LBR: variants seen among roughly 807,000 people sequenced by gnomAD.
The protein encoded by LBR is delta(14)-sterol reductase LBR.
LBR carries 28 observed loss-of-function variants against 74.3 expected under a neutral mutation model. The observed-to-expected ratio is 0.38, with a 90% CI of 0.28 to 0.52. The LOEUF is 0.52. Ranked by LOEUF, LBR falls within the 20% of genes least tolerant of loss-of-function variation. The probability of loss-of-function intolerance (pLI) is 0.89; values close to 1 mark genes in which losing one functional copy is unlikely to be tolerated. For missense variants in LBR, 717 were observed against 760.3 expected, an observed-to-expected ratio of 0.94 and a Z score of 0.67; for synonymous variants, 228 against 269.3, an observed-to-expected ratio of 0.85 and a Z score of 1.50.
chr1:225,424,014 A>G lies in LBR; in HGVS notation c.62T>C (p.Leu21Pro). Residue 21 changes from leucine (L) to proline (P), a missense_variant, in exon 2 of 14, where the codon CTT (leucine) becomes CCT (proline). Physicochemically the swap from Leu to Pro is moderately conservative, Grantham distance 98. Coordinates refer to ENST00000272163, the MANE Select transcript of LBR (RefSeq NM_002296.4). ...VVRGRWPGSS[L>P]YYEVEILSHD... ...GCTCAGAATTTCTACTTCATAATAA[A>G]GTGAACTCCCAGGCCATCGACCTCT... The G allele has an allele frequency of 6.2e-7, 1 of 1,614,146 alleles. No homozygotes were observed. The highest frequency in any genetic ancestry group is 8.5e-7 in the Non-Finnish European group (1 of 1,179,978).
intron 10 of LBR, among the ~76,000 whole-genome samples, chr1:225,408,476 C>T (rs780873358): frequency 6.6e-6 from 1 of 152,240 alleles, no homozygotes; most frequent in African/African-American, 2.4e-5. Context: ...GCCCCACCAG[C>T]TCCTGAGCCC....
intron 1 of LBR, among the ~76,000 whole-genome samples, chr1:225,424,712 C>A (rs1023559780): frequency 7.2e-5 from 11 of 152,206 alleles, no homozygotes; most frequent in Non-Finnish European, 1.5e-4. Context: ...TCACTTCTCT[C>A]AAGCCTACAG....
Position 225,419,836 on chromosome 1 carries a change from G to A in LBR, c.367-38C>T, listed in dbSNP as rs746560486. On this transcript the variant is annotated intron_variant, in intron 3 of 13. Coordinates refer to ENST00000272163, the MANE Select transcript of LBR (RefSeq NM_002296.4). ...ATATAAACATTTAATCAAAAGAACT[G>A]TAACTTATTAAAAAGAAACATGATG... 11 of 1,379,378 alleles carry A rather than the reference G, an allele frequency of 8.0e-6. No individual in the cohort carries two copies. In the South Asian group the frequency reaches 1.3e-4, roughly 16 times the overall value. The allele number at this position is 1,379,378 out of a possible 1,614,324, so 85.4% of individuals were successfully genotyped here.
At chr1:225,425,695 T>C (rs2096137822) in intron 1 of LBR, among the ~76,000 whole-genome samples, 1 of 152,134 alleles carries the variant, frequency 6.6e-6, no homozygotes, top group Non-Finnish European at 1.5e-5. Flanking sequence ...TTCTCTCTTC[T>C]CTTGAGCCCC....
rs774800175 is a variant in LBR at position 225,403,281 on chromosome 1, T to G, written c.*22A>C. ...TGGCAGCTGGAATTGCAGGAGTATT[T>G]TGTAGAAAAGCCAGAAGAGCATTAG... On this transcript the variant is annotated 3_prime_UTR_variant, in exon 14 of 14. Coordinates refer to ENST00000272163, the MANE Select transcript of LBR (RefSeq NM_002296.4). 9 of 1,611,882 alleles carry G rather than the reference T, an allele frequency of 5.6e-6. No homozygotes were observed. In the South Asian group the frequency reaches 7.7e-5, roughly 14 times the overall value.
At chr1:225,424,622 CT>C (rs1319955460) in intron 1 of LBR, among the ~76,000 whole-genome samples, 2 of 152,184 alleles carry the variant, frequency 1.3e-5, no homozygotes, top group African/African-American at 2.4e-5. Context: ...GCTTTCAACT[CT>C]TACAGCTAAA....
chr1:225,404,266 A>T (rs902919239), intron 13 of LBR, 138 bp downstream of exon 13: 19 of 1,145,500 alleles, frequency 1.7e-5, no homozygotes, highest in Non-Finnish European at 2.3e-5. Context: ...GAGCTTCTAC[A>T]GAGGCCAACC....
intron 1 of LBR, among the ~76,000 whole-genome samples, chr1:225,427,097 C>T (rs16844879): frequency 0.025 from 3,725 of 151,906 alleles, 166 homozygotes; most frequent in African/African-American, 0.084. Flanking sequence ...TGCAGGTGTC[C>T]ACGCGCGGAC....
intron 6 of LBR, among the ~76,000 whole-genome samples, chr1:225,415,542 TA>T (rs894858433): frequency 5.6e-4 from 86 of 152,276 alleles, no homozygotes; most frequent in African/African-American, 2.0e-3. Context: ...GAATTTATCT[TA>T]AATACAAATT....
In LBR at chr1:225,403,363, G is replaced by A. The variant is rs558248227; in HGVS notation, c.1788C>T (p.Gly596=). 25 of 1,613,588 alleles carry A rather than the reference G, an allele frequency of 1.5e-5. 1 individual carries two copies. In the South Asian group the frequency reaches 1.6e-4, roughly 11 times the overall value. Residue 596 remains glycine, a synonymous_variant, in exon 14 of 14, where the codon GGC becomes GGT. Transcript: ENST00000272163. ...RDEYHCKKKY[G]VAWEKYCQRV... ...GCTGACAGTACTTTTCCCAAGCCAC[G>A]CCGTATTTCTTCTTACAGTGGTACT... is the stretch of plus-strand genomic sequence containing the variant.
intron 8 of LBR, 127 bp downstream of exon 8, chr1:225,412,327 A>C: frequency 1.2e-6 from 1 of 828,974 alleles, no homozygotes; most frequent in Admixed American, 2.4e-5. Context: ...TCATCTTTTC[A>C]TTTTTTCTTA....
chr1:225,418,051 C>CT lies in LBR; in HGVS notation c.769dup (p.Arg257LysfsTer32). 1 of 1,614,198 alleles carries CT rather than the reference C, an allele frequency of 6.2e-7. No homozygotes were observed. The highest frequency in any genetic ancestry group is 1.3e-5 in the African/African-American group (1 of 75,054). Reference sequence around the variant, plus strand: ...CCACAGGAGGTAGACCCCAAATACTCTGGTTTCCCATAACTCATACAAAGC... The same window carrying CT: ...CCACAGGAGGTAGACCCCAAATACTCTTGGTTTCCCATAACTCATACAAAGC... On this transcript the variant is annotated frameshift_variant, in exon 6 of 14. Transcript: ENST00000272163. LOFTEE classifies it high-confidence loss of function.
chr1:225,409,901 T>C (rs186700496), intron 10 of LBR, among the ~76,000 whole-genome samples: 315 of 152,230 alleles, frequency 2.1e-3, no homozygotes, highest in Admixed American at 5.0e-3. Context: ...CAATAAAACA[T>C]CTCCCCCATT....
intron 1 of LBR, among the ~76,000 whole-genome samples, chr1:225,426,067 G>A (rs2096138569): frequency 2.0e-5 from 3 of 152,154 alleles, no homozygotes; most frequent in African/African-American, 7.2e-5. Context: ...ATACCTGTTA[G>A]GTCTCTAAAG....
At chr1:225,419,933 C>A (rs1276741073) in intron 3 of LBR, 135 bp from the exon 4 acceptor site, 2 of 694,986 alleles carry the variant, frequency 2.9e-6, no homozygotes, top group South Asian at 1.6e-5. Flanking sequence ...CGAATTTAAC[C>A]CTCATTTTGT....
At chr1:225,404,258 G>T in intron 13 of LBR, 146 bp downstream of exon 13, 1 of 1,009,048 alleles carries the variant, frequency 9.9e-7, no homozygotes, top group Non-Finnish European at 1.5e-6. Flanking sequence ...AGCCAGAGGA[G>T]CTTCTACAGA....
chr1:225,414,323 C>T lies in LBR; in HGVS notation c.892+955G>A, dbSNP rs12061268. 5.1e-3 allele frequency: 1,741 copies of T among 339,338 alleles called. 29 individuals are homozygous for T. Among genetic ancestry groups the T allele is most frequent in the East Asian group, 0.044 (566 of 12,938 alleles). The allele number at this position is 339,338 out of a possible 1,614,324, so 21.0% of individuals were successfully genotyped here. On this transcript the variant is annotated intron_variant, in intron 7 of 13. Coordinates refer to ENST00000272163, the MANE Select transcript of LBR (RefSeq NM_002296.4). ...AGTAGATGCTGCGTAAGTCTCTAAA[C>T]AAAGTATCCAAAGTTAAAAAATGAA...
rs745448849 is a variant in LBR, at chr1:225,422,196, G to C, written c.247C>G (p.Arg83Gly). ...SRRRGSRSRS[R>G]SRSPGRPPKS... ...GGTGGTCGACCAGGGGATCGGGAGCGTGACCTTGATCGACTCCCTCGGCGT... is the reference window on the plus strand; with the variant it reads ...GGTGGTCGACCAGGGGATCGGGAGCCTGACCTTGATCGACTCCCTCGGCGT... The change falls in exon 3 of 14, where the codon CGC becomes GGC. Residue 83 changes from arginine (R) to glycine (G), a missense_variant. Arg to Gly is a moderately radical substitution (Grantham distance 125). Coordinates refer to ENST00000272163, the MANE Select transcript of LBR (RefSeq NM_002296.4). The C allele has an allele frequency of 1.2e-6, 2 of 1,613,974 alleles. No individual in the cohort carries two copies. The highest frequency in any genetic ancestry group is 1.7e-5 in the Admixed American group (1 of 60,026).
Position 225,419,342 on chromosome 1 carries a change from G to A in LBR, c.561C>T (p.Tyr187=), listed in dbSNP as rs151100686. The A allele has an allele frequency of 2.8e-4, 458 of 1,614,128 alleles. 1 individual carries two copies. The East Asian group carries it at 3.5e-3, about 12-fold the overall frequency. ...TTCTCACTGCCAGTTCTTTTGCAACGTATTTTTCTTCCTTAGAATCTATTT... is the reference window on the plus strand; with the variant it reads ...TTCTCACTGCCAGTTCTTTTGCAACATATTTTTCTTCCTTAGAATCTATTT... ...LKEIDSKEEK[Y]VAKELAVRTF... The change falls in exon 5 of 14, where the codon TAC becomes TAT. Residue 187 remains tyrosine (Y), a synonymous_variant. Coordinates refer to ENST00000272163, the MANE Select transcript of LBR (RefSeq NM_002296.4).
Sources: allele counts gnomAD v4.1 joint callset (sites outside exome capture counted in the v4.1 genomes callset), GRCh38; gene constraint gnomAD v4.1.1; transcripts MANE v1.5; gene names NCBI Gene and HGNC (gene_info 2026-07-23, HGNC 2026-07-21).